FOCAD: variants seen among roughly 807,000 people sequenced by gnomAD.
The protein encoded by FOCAD is KIAA1797.
In FOCAD, 198 loss-of-function variants were observed where a neutral mutation model predicts 225.6. The observed-to-expected ratio is 0.88, with a 90% confidence interval of 0.78 to 0.99. The LOEUF (loss-of-function observed/expected upper bound fraction) is 0.99. FOCAD is among the 50% of genes least tolerant of loss of function. The probability of loss-of-function intolerance (pLI) is 0.00; values close to 1 mark genes in which losing one functional copy is unlikely to be tolerated. For synonymous variants in FOCAD, 897 were observed against 755.0 expected (o/e 1.19, Z -3.08); for missense variants, 2,713 against 2,123.6 (o/e 1.28, Z -5.46).
intron 11 of FOCAD, among the ~76,000 whole-genome samples, chr9:20,797,511 TCTC>T (rs1821256112): frequency 6.6e-6 from 1 of 152,142 alleles, no homozygotes; most frequent in African/African-American, 2.4e-5. Context: ...GGTTTGTAGT[TCTC>T]CTTGAAGAGG....
At chr9:20,945,012 A>G (rs1045481006) in intron 29 of FOCAD, among the ~76,000 whole-genome samples, 1 of 152,230 alleles carries the variant, frequency 6.6e-6, no homozygotes, top group African/African-American at 2.4e-5. Flanking sequence ...TACAAAACCT[A>G]ACTCAGCATC....
At chr9:20,821,699 T>G (rs974724932) in intron 14 of FOCAD, among the ~76,000 whole-genome samples, 1 of 151,852 alleles carries the variant, frequency 6.6e-6, no homozygotes, top group African/African-American at 2.4e-5. Context: ...AAGATAAAAA[T>G]GTTTACAGAA....
At chr9:20,901,198 G>C (rs1486456421) in intron 21 of FOCAD, among the ~76,000 whole-genome samples, 1 of 65,454 alleles carries the variant, frequency 1.5e-5, no homozygotes, top group Admixed American at 1.8e-4. Flanking sequence ...AACAATGTGT[G>C]TGTGTGTGTG....
At chr9:20,696,432 T>C (rs72701972) in intron 1 of FOCAD, among the ~76,000 whole-genome samples, 3,207 of 152,362 alleles carry the variant, frequency 0.021, 45 homozygotes, top group South Asian at 0.041. Context: ...TCTGATTTTG[T>C]ACCCTAAATA....
intron 27 of FOCAD, among the ~76,000 whole-genome samples, chr9:20,931,638 T>A (rs1245723166): frequency 1.3e-5 from 2 of 152,192 alleles, no homozygotes; most frequent in African/African-American, 2.4e-5. Flanking sequence ...AATATGTTGT[T>A]TTTCAGAGAC....
rs10562859 is a variant in FOCAD, at chr9:20,825,146, C to CGTGTGTGTGT, written c.1920+2060_1920+2069dup. ...TTTGTTTAAGGCTTTTCAAGCTTTG[C>CGTGTGTGTGT]GTGTGTGTGTGTGTGTGTGTGTGTG... On this transcript the variant is annotated intron_variant, in intron 15 of 43. Transcript: ENST00000338382. 3.7e-3 allele frequency among the ~76,000 whole-genome samples: 511 copies of CGTGTGTGTGT among 139,074 alleles called. 4 individuals are homozygous for CGTGTGTGTGT. Among genetic ancestry groups the CGTGTGTGTGT allele is most frequent in the Middle Eastern group, 0.011 (3 of 264 alleles). The allele number at this position is 139,074 out of a possible 152,430, so 91.2% of individuals were successfully genotyped here. A position where few individuals can be genotyped will look rare whatever the true frequency, so the allele number is the denominator to read the frequency against.
At position 20,920,237 on chromosome 9, in the gene FOCAD, GA is replaced by G. The variant is rs564050233; in HGVS notation, c.2852+3303del. Among the ~76,000 whole-genome samples, 541 of 148,762 alleles carry G rather than the reference GA, an allele frequency of 3.6e-3. 2 individuals are homozygous for G. The highest frequency in any genetic ancestry group is 0.013 in the African/African-American group (519 of 40,656). ...ATGCTCACCATCACTGGCCATCAGA[GA>G]AATGCAAATCAAAACCACAATGAGA... On this transcript the variant is annotated intron_variant, in intron 24 of 43. Coordinates refer to ENST00000338382, the MANE Select transcript of FOCAD (RefSeq NM_001375567.1).
intron 11 of FOCAD, among the ~76,000 whole-genome samples, chr9:20,812,361 CATG>C (rs1328692528): frequency 6.6e-6 from 1 of 151,570 alleles, no homozygotes; most frequent in African/African-American, 2.4e-5. Context: ...ATCTTCTAAC[CATG>C]ATGAATAGTA....
At chr9:20,759,853 C>G in intron 6 of FOCAD, among the ~76,000 whole-genome samples, 1 of 152,214 alleles carries the variant, frequency 6.6e-6, no homozygotes, top group East Asian at 1.9e-4. Flanking sequence ...ATAAGTTCTT[C>G]CCCTTGGACA....
intron 15 of FOCAD, among the ~76,000 whole-genome samples, chr9:20,836,272 A>C (rs1201487583): frequency 1.3e-5 from 2 of 152,028 alleles, no homozygotes; most frequent in African/African-American, 2.4e-5. Context: ...AATGTGATCC[A>C]TTGTCTGATG....
At chr9:20,677,460 CTATT>C (rs746275134) in intron 2 of FOCAD, among the ~76,000 whole-genome samples, 2 of 152,094 alleles carry the variant, frequency 1.3e-5, no homozygotes, top group South Asian at 4.1e-4. Flanking sequence ...TATTTGCCAA[CTATT>C]TATGTGATAA....
At chr9:20,867,511 T>C (rs1420239586) in intron 18 of FOCAD, among the ~76,000 whole-genome samples, 2 of 152,042 alleles carry the variant, frequency 1.3e-5, no homozygotes, top group African/African-American at 4.8e-5. Context: ...TAGTGTGATA[T>C]TCAGTTAGGA....
At chr9:20,744,447 A>G (rs962150686) in intron 5 of FOCAD, among the ~76,000 whole-genome samples, 1 of 152,190 alleles carries the variant, frequency 6.6e-6, no homozygotes, top group African/African-American at 2.4e-5. Flanking sequence ...TTAGGCATAG[A>G]TATTTAAATA....
At chr9:20,864,016 C>G (rs900762393) in intron 16 of FOCAD, among the ~76,000 whole-genome samples, 2 of 151,942 alleles carry the variant, frequency 1.3e-5, no homozygotes, top group Non-Finnish European at 2.9e-5. Context: ...GTTGTTCAGA[C>G]GGACTGCTTT....
In FOCAD at chr9:20,751,298, T is replaced by G. The variant is rs1172494111; in HGVS notation, c.393-6792T>G. Among the ~76,000 whole-genome samples the G allele has an allele frequency of 6.5e-5, 9 of 139,510 alleles. 1 individual carries two copies. The South Asian group carries it at 2.3e-3, about 36-fold the overall frequency. The allele number at this position is 139,510 out of a possible 152,430, so 91.5% of individuals were successfully genotyped here. On this transcript the variant is annotated intron_variant, in intron 5 of 43. Transcript: ENST00000338382. Reference sequence around the variant, plus strand: ...TAGCATTAGGTATATCTCCCAGTGCTATCCCTCCCCCCTCCCCCCACCCCA... The same window carrying G: ...TAGCATTAGGTATATCTCCCAGTGCGATCCCTCCCCCCTCCCCCCACCCCA...
At chr9:20,721,974 CCCCTCCTT>C (rs1373765254) in intron 4 of FOCAD, among the ~76,000 whole-genome samples, 7 of 39,290 alleles carry the variant, frequency 1.8e-4, no homozygotes, top group Non-Finnish European at 2.3e-4. Flanking sequence ...TCTTTTTTCT[CCCCTCCTT>C]CCCTCCCTCC....
At chr9:20,941,716 A>G (rs938244024) in intron 28 of FOCAD, among the ~76,000 whole-genome samples, 7 of 152,198 alleles carry the variant, frequency 4.6e-5, no homozygotes, top group Non-Finnish European at 1.0e-4. Flanking sequence ...CTTATAGAAC[A>G]TTTATGTTAG....
chr9:20,829,894 A>G (rs1825313576), intron 15 of FOCAD, among the ~76,000 whole-genome samples: 3 of 152,120 alleles, frequency 2.0e-5, no homozygotes, highest in East Asian at 3.9e-4. Context: ...TACTTTCTAT[A>G]TAGTTAACAG....
intron 7 of FOCAD, among the ~76,000 whole-genome samples, chr9:20,765,887 C>T (rs553588299): frequency 7.2e-5 from 11 of 152,276 alleles, no homozygotes; most frequent in South Asian, 4.1e-4. Flanking sequence ...TATTTCAAAA[C>T]GATCACTTGA....
Sources: gnomAD v4.1 joint callset for allele counts (sites outside exome capture counted in the v4.1 genomes callset) on GRCh38, gnomAD v4.1.1 for gene constraint, MANE v1.5 for transcripts, NCBI Gene and HGNC (gene_info 2026-07-23, HGNC 2026-07-21) for gene names.